CSMD1: variants seen among roughly 807,000 people sequenced by gnomAD.
The protein encoded by CSMD1 is CUB and Sushi multiple domains 1, also known as CUB and sushi domain-containing protein 1.
In CSMD1, 213 loss-of-function variants were observed where a neutral mutation model predicts 417.5. The ratio of observed to expected loss-of-function variants is 0.51; its 90% confidence interval spans 0.46 to 0.57. CSMD1 has a LOEUF of 0.57. CSMD1 is among the 20% of genes least tolerant of loss of function. CSMD1 has a pLI of 0.00. For synonymous variants in CSMD1, 2,862 were observed against 1,736.8 expected (o/e 1.65, Z -16.11); for missense variants, 6,923 against 4,529.7 (o/e 1.53, Z -15.17).
intron 1 of CSMD1, among the ~76,000 whole-genome samples, chr8:4,821,635 C>G (rs751008773): frequency 6.6e-6 from 1 of 152,048 alleles, no homozygotes; most frequent in Admixed American, 6.6e-5. Context: ...GGGAAGTTTA[C>G]TTCACCTAAT....
Position 3,106,574 on chromosome 8 carries a change from C to G in CSMD1, c.6903G>C (p.Lys2301Asn). The change falls in exon 46 of 70, where the codon AAG becomes AAC. Residue 2301 changes from lysine (K) to asparagine (N), a missense_variant. Physicochemically the swap from Lys to Asn is moderately conservative, Grantham distance 94. Transcript: ENST00000635120. The stretch of plus-strand genomic sequence containing the variant: ...CCTCAAACTGCAACTGGGAACTGAG[C>G]TTGCAAGTCAGAATGTCGGTCCCCA... ...TLVGTDILTC[K>N]LSSQLQFEGS... The G allele has an allele frequency of 6.2e-7, 1 of 1,613,898 alleles. No homozygotes were observed. The highest frequency in any genetic ancestry group is 8.5e-7 in the Non-Finnish European group (1 of 1,179,832).
At chr8:4,229,609 C>G (rs962074762) in intron 3 of CSMD1, among the ~76,000 whole-genome samples, 7 of 152,164 alleles carry the variant, frequency 4.6e-5, no homozygotes, top group Non-Finnish European at 1.0e-4. Context: ...GGCTCTTCCC[C>G]AGATGCCCTC....
chr8:3,201,990 G>A (rs777059553), intron 31 of CSMD1, among the ~76,000 whole-genome samples: 1 of 151,990 alleles, frequency 6.6e-6, no homozygotes. Context: ...GAATGTTTTT[G>A]TTTTAATAAA....
At chr8:4,719,167 AAAAAAGACT>A (rs1275432932) in intron 1 of CSMD1, among the ~76,000 whole-genome samples, 1 of 152,112 alleles carries the variant, frequency 6.6e-6, no homozygotes, top group African/African-American at 2.4e-5. Flanking sequence ...AGGCAGGTGA[AAAAAAGACT>A]ACACAGCTAG....
chr8:4,427,596 G>T (rs555191063), intron 2 of CSMD1, among the ~76,000 whole-genome samples: 1 of 151,954 alleles, frequency 6.6e-6, no homozygotes, highest in Non-Finnish European at 1.5e-5. Context: ...TTTGGAGAGA[G>T]ACTCGAAGTA....
intron 38 of CSMD1, 29 bp from the exon 39 acceptor site, chr8:3,157,995 A>T: frequency 1.3e-6 from 2 of 1,502,984 alleles, no homozygotes; most frequent in Non-Finnish European, 1.8e-6. Flanking sequence ...AAGAAAATAC[A>T]TATAACTAAA....
chr8:4,988,647 T>A (rs1052589476), intron 1 of CSMD1, among the ~76,000 whole-genome samples: 2 of 152,196 alleles, frequency 1.3e-5, no homozygotes, highest in African/African-American at 4.8e-5. Context: ...AAATCTCTCA[T>A]CTTCATAGAA....
At chr8:4,568,101 C>G (rs1489318643) in intron 2 of CSMD1, among the ~76,000 whole-genome samples, 1 of 152,112 alleles carries the variant, frequency 6.6e-6, no homozygotes, top group Non-Finnish European at 1.5e-5. Flanking sequence ...AAATAAAATA[C>G]TCATATTCAA....
At position 4,155,396 on chromosome 8, in the gene CSMD1, T is replaced by A. The variant is rs183244201; in HGVS notation, c.416-123297A>T. ...ATGCTCTGCTGTAGATCACATTCCT[T>A]TTACTTTATAAATCAGAACTTGCCT... On this transcript the variant is annotated intron_variant, in intron 3 of 69. Transcript: ENST00000635120. Among the ~76,000 whole-genome samples the A allele has an allele frequency of 4.0e-3, 615 of 152,258 alleles. 11 individuals are homozygous for A. The highest frequency in any genetic ancestry group is 2.8e-3 in the Non-Finnish European group (190 of 68,030).
At chr8:4,218,802 T>C (rs1238717681) in intron 3 of CSMD1, among the ~76,000 whole-genome samples, 1 of 152,194 alleles carries the variant, frequency 6.6e-6, no homozygotes, top group African/African-American at 2.4e-5. Context: ...TTAACTTCTG[T>C]TTTCTCAGTG....
intron 30 of CSMD1, among the ~76,000 whole-genome samples, chr8:3,212,082 G>C (rs1797645830): frequency 6.6e-6 from 1 of 152,124 alleles, no homozygotes; most frequent in South Asian, 2.1e-4. Flanking sequence ...CCTTGGTCTT[G>C]ACCTGTAATG....
At chr8:3,683,480 C>T (rs1164140474) in intron 7 of CSMD1, among the ~76,000 whole-genome samples, 1 of 152,130 alleles carries the variant, frequency 6.6e-6, no homozygotes, top group Non-Finnish European at 1.5e-5. Context: ...GAGGGGTGTT[C>T]ATAGGTACCT....
At chr8:4,620,430 A>G (rs1191600102) in intron 2 of CSMD1, among the ~76,000 whole-genome samples, 2 of 151,646 alleles carry the variant, frequency 1.3e-5, no homozygotes, top group Non-Finnish European at 3.0e-5. Context: ...AGAGTCTAAA[A>G]TTTGCTAAAT....
intron 1 of CSMD1, among the ~76,000 whole-genome samples, chr8:4,810,885 G>T (rs1798859882): frequency 6.6e-6 from 1 of 152,150 alleles, no homozygotes; most frequent in East Asian, 1.9e-4. Flanking sequence ...ACAGCCTTGT[G>T]TCTGAATCAG....
chr8:3,753,038 C>G (rs553448497), intron 6 of CSMD1, among the ~76,000 whole-genome samples: 1 of 152,164 alleles, frequency 6.6e-6, no homozygotes, highest in Non-Finnish European at 1.5e-5. Flanking sequence ...AAACTGTCTC[C>G]GTGACCTGCT....
At chr8:4,188,795 G>A (rs1467122206) in intron 3 of CSMD1, among the ~76,000 whole-genome samples, 2 of 75,818 alleles carry the variant, frequency 2.6e-5, no homozygotes, top group Non-Finnish European at 5.5e-5. Flanking sequence ...GAAACTCCAG[G>A]ATGAATATTA....
intron 31 of CSMD1, 85 bp downstream of exon 31, chr8:3,205,419 C>T: frequency 1.4e-6 from 1 of 712,422 alleles, no homozygotes; most frequent in Non-Finnish European, 2.3e-6. Context: ...TCACTAAGCT[C>T]TAGCATACTT....
chr8:3,978,589 G>C (rs1045792999), intron 5 of CSMD1, among the ~76,000 whole-genome samples: 5 of 152,100 alleles, frequency 3.3e-5, no homozygotes, highest in African/African-American at 7.2e-5. Flanking sequence ...TGAATAGATT[G>C]AGGCATGTTG....
chr8:4,660,060 A>G (rs968125351), intron 1 of CSMD1, among the ~76,000 whole-genome samples: 1 of 151,632 alleles, frequency 6.6e-6, no homozygotes, highest in African/African-American at 2.4e-5. Context: ...AGATTGGATA[A>G]AAGAAAGGAT....
Sources: gnomAD v4.1 joint callset for allele counts (sites outside exome capture counted in the v4.1 genomes callset) on GRCh38, gnomAD v4.1.1 for gene constraint, MANE v1.5 for transcripts, NCBI Gene and HGNC (gene_info 2026-07-23, HGNC 2026-07-21) for gene names.